The following ZNF536 variants were observed in gnomAD, a reference collection of about 807,000 sequenced individuals.
The protein encoded by ZNF536 is zinc finger protein 536.
A neutral mutation model predicts 84.5 loss-of-function variants in ZNF536; 13 were observed. The ratio of observed to expected loss-of-function variants is 0.15; its 90% CI spans 0.10 to 0.24. The LOEUF (loss-of-function observed/expected upper bound fraction) is 0.24. Ranked by LOEUF, ZNF536 falls within the 10% of genes least tolerant of loss-of-function variation. ZNF536 has a pLI of 1.00. For missense variants in ZNF536, 1,536 were observed against 1,747.5 expected (o/e 0.88, Z 2.16); for synonymous variants, 811 against 742.5 (o/e 1.09, Z -1.50).
intron 1 of ZNF536, among the ~76,000 whole-genome samples, chr19:30,702,959 C>T (rs918035336): frequency 2.0e-5 from 3 of 152,194 alleles, no homozygotes; most frequent in African/African-American, 7.2e-5. Flanking sequence ...GTGGGGAAGA[C>T]AGCCGTGATT....
chr19:30,549,402 G>A lies in ZNF536; in HGVS notation c.3783G>A (p.Pro1261=), dbSNP rs139373364. 1.7e-4 allele frequency: 275 copies of A among 1,594,316 alleles called. 2 individuals carry two copies. The highest frequency in any genetic ancestry group is 2.1e-4 in the Non-Finnish European group (242 of 1,169,936). ...GGGGGCCCCAGAGCCTGGACAAGCC[G>A]ATGAACATGCTGTCGGTCCTCAGGG... ...PERGPQSLDK[P]MNMLSVLRAY... The change falls in exon 4 of 5, where the codon CCG becomes CCA. Residue 1261 remains proline, a synonymous_variant. Transcript: ENST00000355537.
At chr19:30,432,815 T>G (rs1422103132) in intron 1 of ZNF536, among the ~76,000 whole-genome samples, 9 of 152,170 alleles carry the variant, frequency 5.9e-5, no homozygotes, top group Admixed American at 5.9e-4. Context: ...TTGTAAGTTT[T>G]CTGGAGACAA....
At chr19:30,272,998 G>A (rs561302735) in intron 1 of ZNF536, among the ~76,000 whole-genome samples, 4 of 152,070 alleles carry the variant, frequency 2.6e-5, no homozygotes, top group South Asian at 2.1e-4. Context: ...CTTCAGCCTC[G>A]ACCTCCCAGG....
chr19:30,502,211 G>A (rs1289500837), intron 2 of ZNF536, among the ~76,000 whole-genome samples: 4 of 152,218 alleles, frequency 2.6e-5, no homozygotes, highest in Admixed American at 6.5e-5. Context: ...GGCACTTACA[G>A]ATTAAATGGG....
intron 2 of ZNF536, among the ~76,000 whole-genome samples, chr19:30,302,167 T>C (rs918720508): frequency 6.6e-6 from 1 of 152,220 alleles, no homozygotes; most frequent in African/African-American, 2.4e-5. Flanking sequence ...CATGGAGCAC[T>C]GGTGCAATGA....
At chr19:30,598,724 C>CA (rs1395964690) in intron 1 of ZNF536, among the ~76,000 whole-genome samples, 2 of 152,052 alleles carry the variant, frequency 1.3e-5, no homozygotes, top group African/African-American at 4.8e-5. Flanking sequence ...TGTGAAAAAC[C>CA]AACAGGCTCT....
chr19:30,556,948 C>T (rs923953286), intron 4 of ZNF536: 11 of 548,512 alleles, frequency 2.0e-5, no homozygotes, highest in Non-Finnish European at 1.6e-5. Context: ...TGCTGATCAA[C>T]AGCACCTCTA....
rs144245375 is a variant in ZNF536, at chr19:30,443,883, C to T, written c.321C>T (p.Asn107=). The change falls in exon 2 of 5, where the codon AAC becomes AAT. Residue 107 remains asparagine, a synonymous_variant. Transcript: ENST00000355537. ...GGGTGGACTTGCAGCAGTTCCTCAACGGGCAGAACCTGGGCATCATGTCCC... is the reference window on the plus strand; with the variant it reads ...GGGTGGACTTGCAGCAGTTCCTCAATGGGCAGAACCTGGGCATCATGTCCC... ...NGRVDLQQFL[N]GQNLGIMSQM... The T allele has an allele frequency of 3.1e-5, 50 of 1,613,622 alleles. No homozygotes were observed. In the African/African-American group the frequency reaches 4.3e-4, roughly 14 times the overall value.
intron 1 of ZNF536, among the ~76,000 whole-genome samples, chr19:30,382,677 T>C (rs1401878515): frequency 7.9e-5 from 12 of 151,434 alleles, no homozygotes. Flanking sequence ...AGGCCGATAG[T>C]GAGGGAAGGA....
At chr19:30,241,165 A>T (rs1347078324) in intron 1 of ZNF536, among the ~76,000 whole-genome samples, 1 of 152,128 alleles carries the variant, frequency 6.6e-6, no homozygotes, top group Non-Finnish European at 1.5e-5. Context: ...AAATAATAAA[A>T]AAATTAGCTG....
At chr19:30,453,382 G>T (rs1316775821) in intron 2 of ZNF536, among the ~76,000 whole-genome samples, 1 of 152,188 alleles carries the variant, frequency 6.6e-6, no homozygotes, top group African/African-American at 2.4e-5. Flanking sequence ...TCTGGTTTAG[G>T]TTTACTAGGG....
chr19:30,348,155 C>T (rs1487424075), intron 2 of ZNF536, among the ~76,000 whole-genome samples: 4 of 152,216 alleles, frequency 2.6e-5, no homozygotes. Context: ...TATACATGCC[C>T]TTATGCATTC....
At chr19:30,274,312 A>G (rs1007882992) in intron 1 of ZNF536, among the ~76,000 whole-genome samples, 4 of 152,276 alleles carry the variant, frequency 2.6e-5, no homozygotes, top group African/African-American at 7.2e-5. Context: ...ACTGCACAAT[A>G]GAAATATAGT....
At chr19:30,272,170 C>G (rs2025889712) in intron 1 of ZNF536, among the ~76,000 whole-genome samples, 1 of 152,178 alleles carries the variant, frequency 6.6e-6, no homozygotes, top group Non-Finnish European at 1.5e-5. Context: ...TTCCTCAAAG[C>G]TGTTCTTTCC....
At chr19:30,357,541 G>A (rs756371373) in intron 3 of ZNF536, among the ~76,000 whole-genome samples, 8 of 152,148 alleles carry the variant, frequency 5.3e-5, no homozygotes, top group Non-Finnish European at 1.2e-4. Flanking sequence ...AGGAATGAGT[G>A]GCTTGGATTG....
At chr19:30,341,706 C>CT (rs200248995) in intron 2 of ZNF536, among the ~76,000 whole-genome samples, 94 of 146,716 alleles carry the variant, frequency 6.4e-4, no homozygotes, top group African/African-American at 1.6e-3. Flanking sequence ...ATTTGGAACT[C>CT]TTTTTTTTTT....
intron 1 of ZNF536, among the ~76,000 whole-genome samples, chr19:30,592,228 T>C (rs966353022): frequency 2.2e-4 from 34 of 152,216 alleles, no homozygotes; most frequent in African/African-American, 8.0e-4. Flanking sequence ...AATTATCCAT[T>C]GGTGTTGTAT....
chr19:30,558,409 G>A (rs1186699546), downstream of ZNF536, among the ~76,000 whole-genome samples: 3 of 152,158 alleles, frequency 2.0e-5, no homozygotes, highest in African/African-American at 7.2e-5. Context: ...GGGGGTGGAG[G>A]GTACTTGGGC....
chr19:30,267,390 C>T (rs942253988), intron 1 of ZNF536, among the ~76,000 whole-genome samples: 1 of 152,266 alleles, frequency 6.6e-6, no homozygotes, highest in South Asian at 2.1e-4. Flanking sequence ...ATCTTTCATT[C>T]TTCCTCATTT....
Sources: gnomAD v4.1 joint callset for allele counts (sites outside exome capture counted in the v4.1 genomes callset) on GRCh38, gnomAD v4.1.1 for gene constraint, MANE v1.5 for transcripts, NCBI Gene and HGNC (gene_info 2026-07-23, HGNC 2026-07-21) for gene names.